The following GSE1 variants were observed in gnomAD, a reference collection of about 807,000 sequenced individuals.
The protein encoded by GSE1 is Gse1 coiled-coil protein, also known as genetic suppressor element 1.
GSE1 carries 32 observed loss-of-function variants against 112.6 expected under a neutral mutation model. The ratio of observed to expected loss-of-function variants is 0.28; its 90% CI spans 0.21 to 0.38. GSE1 has a LOEUF of 0.38. GSE1 is among the 10% of genes least tolerant of loss of function. The probability of loss-of-function intolerance (pLI) is 1.00; values close to 1 mark genes in which losing one functional copy is unlikely to be tolerated. For missense variants in GSE1, 2,348 were observed against 1,699.2 expected, an observed-to-expected ratio of 1.38 and a Z score of -6.71; for synonymous variants, 1,115 against 735.6, an observed-to-expected ratio of 1.52 and a Z score of -8.35.
Position 85,264,834 on chromosome 16 carries a change from G to T in GSE1, c.2284-92629G>T, listed in dbSNP as rs140368516. Among the ~76,000 whole-genome samples the T allele has an allele frequency of 5.0e-3, 764 of 152,296 alleles. 4 individuals carry two copies. Among genetic ancestry groups the T allele is most frequent in the Middle Eastern group, 0.014 (4 of 294 alleles). Reference sequence around the variant, plus strand: ...GGTAACCAGGACCGGGAGGGGTGAGGGGGTTGGGCTGAGTCCTCGCATTTG... The same window carrying T: ...GGTAACCAGGACCGGGAGGGGTGAGTGGGTTGGGCTGAGTCCTCGCATTTG... On this transcript the variant is annotated intron_variant, in intron 1 of 2. Transcript: ENST00000637419.
chr16:85,497,687 G>A (rs748790097), intron 2 of GSE1, among the ~76,000 whole-genome samples: 8 of 152,138 alleles, frequency 5.3e-5, no homozygotes, highest in Non-Finnish European at 1.0e-4. Flanking sequence ...TCTACATAAT[G>A]TCCTATGCAT....
intron 1 of GSE1, among the ~76,000 whole-genome samples, chr16:85,340,877 C>T (rs1442480370): frequency 1.3e-5 from 2 of 152,188 alleles, no homozygotes. Context: ...CGGCTCTGCC[C>T]AGGCCCCCAG....
At chr16:85,349,056 C>T (rs1046664137) in intron 1 of GSE1, among the ~76,000 whole-genome samples, 7 of 152,188 alleles carry the variant, frequency 4.6e-5, no homozygotes, top group African/African-American at 1.7e-4. Flanking sequence ...CGCGATCTGC[C>T]GTGTGGCGTG....
At chr16:85,257,300 G>A (rs1320975420) in intron 1 of GSE1, among the ~76,000 whole-genome samples, 1 of 152,058 alleles carries the variant, frequency 6.6e-6, no homozygotes, top group East Asian at 1.9e-4. Context: ...AGTAGAGATG[G>A]GGTTTCAACC....
chr16:85,654,504 C>T (rs2051732688), intron 4 of GSE1, 54 bp downstream of exon 4: 7 of 1,458,394 alleles, frequency 4.8e-6, no homozygotes, highest in African/African-American at 2.8e-5. Flanking sequence ...ACACAGTGCT[C>T]AGGGTCTGGG....
intron 2 of GSE1, among the ~76,000 whole-genome samples, chr16:85,372,017 G>A (rs2047311866): frequency 6.6e-6 from 1 of 152,188 alleles, no homozygotes; most frequent in Non-Finnish European, 1.5e-5. Flanking sequence ...GGAGGGCACA[G>A]GTGTGTGTGG....
chr16:85,544,963 G>T (rs915095555), intron 2 of GSE1, among the ~76,000 whole-genome samples: 3 of 152,238 alleles, frequency 2.0e-5, no homozygotes, highest in African/African-American at 7.2e-5. Flanking sequence ...CTGGTTCAGG[G>T]ACTGCAGAGT....
At chr16:85,206,464 T>C (rs995471876) in intron 1 of GSE1, among the ~76,000 whole-genome samples, 10 of 151,936 alleles carry the variant, frequency 6.6e-5, no homozygotes, top group Admixed American at 5.2e-4. Context: ...AGAGTTGGTG[T>C]GAGAGGCTTT....
intron 1 of GSE1, among the ~76,000 whole-genome samples, chr16:85,339,768 G>C (rs987847464): frequency 3.9e-5 from 6 of 152,142 alleles, no homozygotes; most frequent in African/African-American, 7.2e-5. Context: ...TATGCCAGGG[G>C]ACGGCGTCTG....
At chr16:85,479,901 C>T (rs1246410825) in intron 2 of GSE1, among the ~76,000 whole-genome samples, 1 of 152,100 alleles carries the variant, frequency 6.6e-6, no homozygotes, top group East Asian at 1.9e-4. Context: ...TCTGCAGCAT[C>T]GAGGTTTGTT....
At chr16:85,452,922 A>G (rs2049726891) in intron 2 of GSE1, among the ~76,000 whole-genome samples, 1 of 151,748 alleles carries the variant, frequency 6.6e-6, no homozygotes, top group Non-Finnish European at 1.5e-5. Context: ...GGTGCCTCCA[A>G]CCCCACCCTG....
intron 1 of GSE1, among the ~76,000 whole-genome samples, chr16:85,341,400 A>G (rs1447381265): frequency 6.6e-6 from 1 of 152,226 alleles, no homozygotes; most frequent in African/African-American, 2.4e-5. Context: ...GCTTATGACT[A>G]TAATCCCAGT....
At chr16:85,629,733 G>C (rs539456468) in intron 1 of GSE1, among the ~76,000 whole-genome samples, 1 of 152,200 alleles carries the variant, frequency 6.6e-6, no homozygotes, top group African/African-American at 2.4e-5. Context: ...CTCTGGCATC[G>C]AAGGGACATG....
chr16:85,448,388 G>A (rs565309493), intron 2 of GSE1, among the ~76,000 whole-genome samples: 22 of 152,312 alleles, frequency 1.4e-4, no homozygotes, highest in African/African-American at 3.4e-4. Context: ...GATACCGAAC[G>A]GTGGTGTTTC....
At chr16:85,384,257 C>T (rs746448314) in intron 2 of GSE1, among the ~76,000 whole-genome samples, 30 of 152,164 alleles carry the variant, frequency 2.0e-4, no homozygotes, top group Non-Finnish European at 3.4e-4. Context: ...AAGAAACACA[C>T]GTGCCTTGCT....
At chr16:85,177,053 C>T (rs892228358) in intron 1 of GSE1, among the ~76,000 whole-genome samples, 1 of 152,256 alleles carries the variant, frequency 6.6e-6, no homozygotes, top group South Asian at 2.1e-4. Context: ...AGGCCCTTCT[C>T]AAACTCAGAG....
chr16:85,222,634 G>C (rs112269094), intron 1 of GSE1, among the ~76,000 whole-genome samples: 12 of 152,206 alleles, frequency 7.9e-5, no homozygotes, highest in African/African-American at 2.9e-4. Flanking sequence ...AAATCGTAAT[G>C]AATTTTACTG....
At chr16:85,552,328 C>CT (rs1195413161), upstream of GSE1, among the ~76,000 whole-genome samples, 987 of 47,740 alleles carry the variant, frequency 0.021, 83 homozygotes, top group South Asian at 0.028. Context: ...CCCGCCCCTC[C>CT]TTTTTTTTTT....
In GSE1 at chr16:85,661,709, G is replaced by T; in HGVS notation, c.2204G>T (p.Arg735Met). ...IYDEFLQQRR[R>M]LVSKLDLEER... ...GATGAGTTCCTGCAGCAGCGCCGGA[G>T]GCTGGTCAGCAAGCTGGACCTGGAG... The change falls in exon 9 of 16, where the codon AGG becomes ATG. Residue 735 changes from arginine (R) to methionine (M), a missense_variant. By Grantham distance (91) the Arg-to-Met change is moderately conservative. Coordinates refer to ENST00000253458, the MANE Select transcript of GSE1 (RefSeq NM_014615.5). The T allele has an allele frequency of 6.3e-7, 1 of 1,596,946 alleles. No homozygotes were observed.
Sources: gnomAD v4.1 joint callset for allele counts (sites outside exome capture counted in the v4.1 genomes callset) on GRCh38, gnomAD v4.1.1 for gene constraint, MANE v1.5 for transcripts, NCBI Gene and HGNC (gene_info 2026-07-23, HGNC 2026-07-21) for gene names.